The following RBFOX1 variants were observed in gnomAD, a reference collection of about 807,000 sequenced individuals.
The protein encoded by RBFOX1 is RNA binding protein fox-1 homolog 1.
Under a neutral mutation model 57.7 loss-of-function variants are expected in RBFOX1, and 8 were observed. That is an observed-to-expected ratio of 0.14 (90% CI 0.08 to 0.25). The LOEUF (loss-of-function observed/expected upper bound fraction) is 0.25, where lower values mean the gene tolerates loss of function less well. Among genes scored for constraint, RBFOX1 ranks in the 10% least tolerant of loss-of-function variants. The pLI is 1.00. For synonymous variants in RBFOX1, 326 were observed against 222.4 expected (o/e 1.47, Z -4.15); for missense variants, 611 against 548.5 (o/e 1.11, Z -1.14).
intron 3 of RBFOX1, among the ~76,000 whole-genome samples, chr16:5,848,371 G>A (rs1230623576): frequency 1.3e-5 from 2 of 151,996 alleles, no homozygotes; most frequent in South Asian, 2.1e-4. Flanking sequence ...CTCTTGAACC[G>A]GGTGCCTTCC....
intron 2 of RBFOX1, among the ~76,000 whole-genome samples, chr16:6,439,522 C>T (rs1427305363): frequency 6.6e-6 from 1 of 152,186 alleles, no homozygotes; most frequent in Non-Finnish European, 1.5e-5. Context: ...CCTCATGCCT[C>T]CTGAGCTGCC....
intron 2 of RBFOX1, among the ~76,000 whole-genome samples, chr16:5,496,123 C>T (rs923039160): frequency 6.6e-6 from 1 of 150,594 alleles, no homozygotes; most frequent in African/African-American, 2.4e-5. Context: ...GAGACTCCAT[C>T]TCAAAAAGAA....
intron 2 of RBFOX1, among the ~76,000 whole-genome samples, chr16:6,367,495 C>T (rs527322085): frequency 4.9e-4 from 74 of 152,282 alleles, no homozygotes; most frequent in Admixed American, 1.4e-3. Context: ...TGGCCCCGAA[C>T]TCCTGACCTC....
intron 4 of RBFOX1, among the ~76,000 whole-genome samples, chr16:7,287,091 G>C (rs2095665213): frequency 6.6e-6 from 1 of 152,166 alleles, no homozygotes; most frequent in Non-Finnish European, 1.5e-5. Flanking sequence ...AGATCATTAT[G>C]GTCCCAGAGT....
chr16:7,303,607 G>A (rs769429252), intron 4 of RBFOX1, among the ~76,000 whole-genome samples: 1 of 152,144 alleles, frequency 6.6e-6, no homozygotes, highest in Non-Finnish European at 1.5e-5. Context: ...AAGCGAAGGG[G>A]AGGGAAGGAA....
chr16:6,023,215 C>T (rs1205006771), intron 1 of RBFOX1, among the ~76,000 whole-genome samples: 1 of 151,938 alleles, frequency 6.6e-6, no homozygotes. Context: ...GCGGGTTTCT[C>T]CTCCTGGAAT....
chr16:7,380,992 C>G (rs1257577144), intron 4 of RBFOX1, among the ~76,000 whole-genome samples: 1 of 152,168 alleles, frequency 6.6e-6, no homozygotes, highest in Non-Finnish European at 1.5e-5. Context: ...CAGGTCTATC[C>G]TAGTGTTCTG....
intron 3 of RBFOX1, among the ~76,000 whole-genome samples, chr16:5,685,953 G>C (rs2050491645): frequency 6.6e-6 from 1 of 152,164 alleles, no homozygotes; most frequent in Admixed American, 6.5e-5. Flanking sequence ...CACTTAATGG[G>C]GACATGAATG....
At chr16:6,416,279 C>T (rs367874821) in intron 2 of RBFOX1, among the ~76,000 whole-genome samples, 50 of 152,266 alleles carry the variant, frequency 3.3e-4, no homozygotes, top group African/African-American at 8.9e-4. Context: ...CACTGACAGG[C>T]GCTTGATTTT....
At chr16:5,858,472 TCCCTGATCAGTCCCTCCCTC>T (rs1174235666) in intron 3 of RBFOX1, among the ~76,000 whole-genome samples, 1 of 152,128 alleles carries the variant, frequency 6.6e-6, no homozygotes, top group Non-Finnish European at 1.5e-5. Flanking sequence ...TGCCAGGCCC[TCCCTGATCAGTCCCTCCCTC>T]CCCTGTGACT....
At chr16:7,240,836 C>T (rs1051903132) in intron 4 of RBFOX1, among the ~76,000 whole-genome samples, 3 of 152,192 alleles carry the variant, frequency 2.0e-5, no homozygotes, top group African/African-American at 7.2e-5. Context: ...TTCCAAAGTT[C>T]TAGGATTACA....
chr16:7,678,381 A>G (rs2073925102), intron 14 of RBFOX1, among the ~76,000 whole-genome samples: 1 of 152,174 alleles, frequency 6.6e-6, no homozygotes, highest in African/African-American at 2.4e-5. Flanking sequence ...TCATTCTACA[A>G]AGGAAAAGGC....
chr16:6,172,217 C>T (rs1479811007), intron 1 of RBFOX1, among the ~76,000 whole-genome samples: 1 of 152,128 alleles, frequency 6.6e-6, no homozygotes, highest in Non-Finnish European at 1.5e-5. Flanking sequence ...TGTCACTTTG[C>T]AGCCTGTGAG....
Position 6,915,688 on chromosome 16 carries a change from G to C in RBFOX1, c.-15-136369G>C, listed in dbSNP as rs372715215. Among the ~76,000 whole-genome samples the C allele has an allele frequency of 1.3e-4, 19 of 151,660 alleles. No individual in the cohort carries two copies. The East Asian group carries it at 3.1e-3, about 25-fold the overall frequency. On this transcript the variant is annotated intron_variant, in intron 3 of 15. Coordinates refer to ENST00000550418, the MANE Select transcript of RBFOX1 (RefSeq NM_018723.4). ...GCCTCAGCCTTCAGAGTAGCTGTGA[G>C]TACAGGTGCGCACCACCATGCCTGA... is the stretch of plus-strand genomic sequence containing the variant.
At chr16:6,684,540 G>A (rs2059143864) in intron 3 of RBFOX1, among the ~76,000 whole-genome samples, 2 of 152,162 alleles carry the variant, frequency 1.3e-5, no homozygotes, top group Non-Finnish European at 2.9e-5. Flanking sequence ...AAACAGGCAT[G>A]GAGCTATCAA....
chr16:7,386,443 T>C (rs1024370000), intron 4 of RBFOX1, among the ~76,000 whole-genome samples: 2 of 146,664 alleles, frequency 1.4e-5, no homozygotes, highest in African/African-American at 2.5e-5. Context: ...TGTATTCTCA[T>C]TGTTCACCTC....
chr16:7,683,572 G>C (rs1210524699), intron 14 of RBFOX1, among the ~76,000 whole-genome samples: 1 of 152,024 alleles, frequency 6.6e-6, no homozygotes, highest in Non-Finnish European at 1.5e-5. Context: ...AGCTGTCACA[G>C]CCACGTGGGT....
At chr16:6,741,396 C>G in intron 3 of RBFOX1, among the ~76,000 whole-genome samples, 1 of 152,020 alleles carries the variant, frequency 6.6e-6, no homozygotes, top group East Asian at 1.9e-4. Flanking sequence ...GACGGGGTGG[C>G]TCATGCCTGT....
At chr16:5,270,637 T>G (rs552428397) in intron 1 of RBFOX1, 11 of 567,336 alleles carry the variant, frequency 1.9e-5, no homozygotes, top group Non-Finnish European at 3.3e-5. Flanking sequence ...AGACCTCTTA[T>G]GCTCAGCACC....
Sources: allele counts gnomAD v4.1 joint callset (sites outside exome capture counted in the v4.1 genomes callset), GRCh38; gene constraint gnomAD v4.1.1; transcripts MANE v1.5; gene names NCBI Gene and HGNC (gene_info 2026-07-23, HGNC 2026-07-21).